Variants in KIF21B observed in about 807,000 individuals in gnomAD.
The protein encoded by KIF21B is kinesin family member 21B.
A neutral mutation model predicts 192.9 loss-of-function variants in KIF21B; 85 were observed. That is an observed-to-expected ratio of 0.44 (90% CI 0.37 to 0.53). The LOEUF is 0.53. KIF21B is among the 20% of genes least tolerant of loss of function. The pLI is 0.00. For missense variants in KIF21B, 1,716 were observed against 2,194.8 expected (o/e 0.78, Z 4.36); for synonymous variants, 832 against 884.6 (o/e 0.94, Z 1.05).
At chr1:200,980,100 T>C (rs1244500544) in intron 29 of KIF21B, among the ~76,000 whole-genome samples, 1 of 152,206 alleles carries the variant, frequency 6.6e-6, no homozygotes, top group African/African-American at 2.4e-5. Context: ...GCAAATGTTA[T>C]GGGAAAACTT....
At chr1:200,991,425 AG>A (rs1008511248) in intron 17 of KIF21B, among the ~76,000 whole-genome samples, 1 of 152,202 alleles carries the variant, frequency 6.6e-6, no homozygotes, top group African/African-American at 2.4e-5. Context: ...CCCTTCTAAT[AG>A]GTTGGACACA....
intron 26 of KIF21B, among the ~76,000 whole-genome samples, chr1:200,985,831 CTTTTT>C (rs760489373): frequency 0.24 from 25,172 of 106,298 alleles, 3,405 homozygotes; most frequent in Non-Finnish European, 0.3. Context: ...CTTCCCTTCC[CTTTTT>C]TTTTTTTTCC....
Position 201,005,253 on chromosome 1 carries a change from T to C in KIF21B, c.732+55A>G. The C allele has an allele frequency of 3.3e-6, 5 of 1,511,084 alleles. No individual in the cohort carries two copies. The South Asian group carries it at 3.9e-5, about 12-fold the overall frequency. The allele number at this position is 1,511,084 out of a possible 1,614,324, so 93.6% of individuals were successfully genotyped here. A position where few individuals can be genotyped will look rare whatever the true frequency, so the allele number is the denominator to read the frequency against. Reference sequence around the variant, plus strand: ...GAATCTGTGGCTCCTCATCTTGCCCTTCCCGGGATACCCCTGCAGCAAGCT... The same window carrying C: ...GAATCTGTGGCTCCTCATCTTGCCCCTCCCGGGATACCCCTGCAGCAAGCT... On this transcript the variant is annotated intron_variant, in intron 5 of 34. Coordinates refer to ENST00000461742, the MANE Select transcript of KIF21B (RefSeq NM_001252102.2).
chr1:200,974,312 A>G, intron 34 of KIF21B: 1 of 1,235,494 alleles, frequency 8.1e-7, no homozygotes, highest in East Asian at 2.5e-5. Context: ...ACCCCATGGG[A>G]CAGAGGGCCT....
chr1:201,008,680 T>C, intron 3 of KIF21B, 89 bp downstream of exon 3: 1 of 1,226,018 alleles, frequency 8.2e-7, no homozygotes, highest in Non-Finnish European at 1.1e-6. Flanking sequence ...TTCCCAGGAC[T>C]CATTCCACTG....
In KIF21B at chr1:200,999,564, G is replaced by A. The variant is rs1168819944; in HGVS notation, c.1768-98C>T. On this transcript the variant is annotated intron_variant, in intron 12 of 34. Coordinates refer to ENST00000461742, the MANE Select transcript of KIF21B (RefSeq NM_001252102.2). The surrounding 1 kb of genome is among the most constrained non-coding windows in gnomAD (Gnocchi z 4.7). ...ACAATGCCTCAGGTGTGTCAGGAGGGTGGGGATTGGGGCAGGCCACAGCTG... is the reference window on the plus strand; with the variant it reads ...ACAATGCCTCAGGTGTGTCAGGAGGATGGGGATTGGGGCAGGCCACAGCTG... 3.2e-6 allele frequency: 5 copies of A among 1,552,412 alleles called. No individual in the cohort carries two copies. Among genetic ancestry groups the A allele is most frequent in the Admixed American group, 1.8e-5 (1 of 55,496 alleles).
intron 15 of KIF21B, among the ~76,000 whole-genome samples, chr1:200,995,616 G>A (rs1010398478): frequency 2.0e-5 from 3 of 152,218 alleles, no homozygotes; most frequent in Non-Finnish European, 2.9e-5. Flanking sequence ...GGGAGCCAGA[G>A]AACTGAGTTC....
Position 200,991,043 on chromosome 1 carries a change from G to A in KIF21B, c.2561C>T (p.Thr854Ile), listed in dbSNP as rs1388013409. The A allele has an allele frequency of 6.2e-7, 1 of 1,614,190 alleles. No individual in the cohort carries two copies. Among genetic ancestry groups the A allele is most frequent in the South Asian group, 1.1e-5 (1 of 91,088 alleles). ...CCCTGATTCAGCCTCAGATGAGGTAGTGCTGGCCGACACCTCAGCCCCAGA... is the reference window on the plus strand; with the variant it reads ...CCCTGATTCAGCCTCAGATGAGGTAATGCTGGCCGACACCTCAGCCCCAGA... ...LDSGAEVSAS[T>I]TSSEAESGAR... Residue 854 changes from threonine (T) to isoleucine (I), a missense_variant, in exon 18 of 35, where the codon ACT becomes ATT. Transcript: ENST00000461742.
chr1:201,017,921 C>T lies in KIF21B; in HGVS notation c.41+5422G>A, dbSNP rs1435388218. Among the ~76,000 whole-genome samples, 1 of 152,192 alleles carries T rather than the reference C, an allele frequency of 6.6e-6. No individual in the cohort carries two copies. The highest frequency in any genetic ancestry group is 1.5e-5 in the Non-Finnish European group (1 of 68,036). On this transcript the variant is annotated intron_variant, in intron 1 of 34. Coordinates refer to ENST00000461742, the MANE Select transcript of KIF21B (RefSeq NM_001252102.2). This position sits in a 1 kb window ranked among gnomAD's most constrained non-coding sequence, Gnocchi z 4.1. ...TCCAGAAACAGGGTACTGCAGCCAA[C>T]ACTGCTGCCGCCTGCCCTGGAGCTT...
intron 15 of KIF21B, among the ~76,000 whole-genome samples, chr1:200,993,591 A>G (rs1656848053): frequency 6.6e-6 from 1 of 152,002 alleles, no homozygotes; most frequent in Admixed American, 6.6e-5. Context: ...CAACAAAAAT[A>G]ATACAAAAAC....
chr1:201,001,914 G>C, intron 9 of KIF21B: 1 of 543,428 alleles, frequency 1.8e-6, no homozygotes, highest in Non-Finnish European at 3.3e-6. Context: ...AGGGTTCAGG[G>C]AGAGGCGATT....
At position 201,000,342 on chromosome 1, in the gene KIF21B, C is replaced by T. The variant is rs1276114586; in HGVS notation, c.1685+48G>A. Reference sequence around the variant, plus strand: ...CCTCCTTGGGGACGGGCAGGGTCCACTGGGGCGGTCTGAGGGCTCTCAGGG... The same window carrying T: ...CCTCCTTGGGGACGGGCAGGGTCCATTGGGGCGGTCTGAGGGCTCTCAGGG... On this transcript the variant is annotated intron_variant, in intron 11 of 34. Transcript: ENST00000461742. This position sits in a 1 kb window ranked among gnomAD's most constrained non-coding sequence, Gnocchi z 6.0. 4.6e-6 allele frequency: 7 copies of T among 1,506,670 alleles called. No homozygotes were observed. In the East Asian group the frequency reaches 1.6e-4, roughly 34 times the overall value. 93.3% of individuals were successfully genotyped at this position (1,506,670 alleles called of 1,614,324 possible).
intron 27 of KIF21B, 37 bp from the exon 28 acceptor site, chr1:200,983,131 AGAG>A (rs1453007179): frequency 6.6e-7 from 1 of 1,525,202 alleles, no homozygotes; most frequent in Non-Finnish European, 8.8e-7. Flanking sequence ...TTAGGGGGTG[AGAG>A]GAGACACACA....
chr1:200,989,207 GA>G (rs1459069413), intron 21 of KIF21B, among the ~76,000 whole-genome samples: 1 of 152,182 alleles, frequency 6.6e-6, no homozygotes, highest in Non-Finnish European at 1.5e-5. Context: ...GGCCCCAGAA[GA>G]AACCAGCCCT....
rs766642944 is a variant in KIF21B, at chr1:200,989,945, G to C, written c.3129C>G (p.Asp1043Glu). The C allele has an allele frequency of 6.2e-7, 1 of 1,613,374 alleles. No homozygotes were observed. Among genetic ancestry groups the C allele is most frequent in the Non-Finnish European group, 8.5e-7 (1 of 1,179,442 alleles). Residue 1043 changes from aspartate to glutamate, a missense_variant, in exon 21 of 35, where the codon GAC (aspartate) becomes GAG (glutamate). Coordinates refer to ENST00000461742, the MANE Select transcript of KIF21B (RefSeq NM_001252102.2). ...LLDNFLKASI[D>E]KGLQVAQKEA... ...CCCATGTACGCTCCCAGCTTACCTT[G>C]TCAATGGATGCCTTGAGGAAGTTGT...
At chr1:201,007,231 GACACAC>G in intron 3 of KIF21B, among the ~76,000 whole-genome samples, 1 of 86,386 alleles carries the variant, frequency 1.2e-5, no homozygotes, top group Non-Finnish European at 2.4e-5. Context: ...GACACACACA[GACACAC>G]ACACACAGAG....
At position 201,003,109 on chromosome 1, in the gene KIF21B, G is replaced by T. The variant is rs147185079; in HGVS notation, c.1212+477C>A. The stretch of plus-strand genomic sequence containing the variant: ...TCATTCTTCAAAATCCATATAAAAG[G>T]CCCCTTTTTCCATGAGGCCCTCTCT... On this transcript the variant is annotated intron_variant, in intron 8 of 34. Coordinates refer to ENST00000461742, the MANE Select transcript of KIF21B (RefSeq NM_001252102.2). The T allele has an allele frequency of 4.4e-3, 755 of 170,632 alleles. 5 individuals carry two copies. Among genetic ancestry groups the T allele is most frequent in the Middle Eastern group, 0.021 (7 of 328 alleles). The allele number at this position is 170,632 out of a possible 1,614,324, so 10.6% of individuals were successfully genotyped here.
chr1:201,015,631 T>G (rs751009428), intron 1 of KIF21B, among the ~76,000 whole-genome samples: 32 of 152,294 alleles, frequency 2.1e-4, no homozygotes, highest in Admixed American at 3.9e-4. Flanking sequence ...GCCAGGCTGC[T>G]GTATCCTCTG....
chr1:200,986,874 C>T lies in KIF21B; in HGVS notation c.3659G>A (p.Arg1220Lys). The T allele has an allele frequency of 6.2e-7, 1 of 1,613,886 alleles. No homozygotes were observed. Among genetic ancestry groups the T allele is most frequent in the Non-Finnish European group, 8.5e-7 (1 of 1,179,852 alleles). Residue 1220 changes from arginine to lysine, a missense_variant, in exon 26 of 35, where the codon AGG becomes AAG. Around this residue, in one of 3 missense-constraint regions of KIF21B, gnomAD observed 580 missense variants for 775.5 expected, o/e 0.75. Coordinates refer to ENST00000461742, the MANE Select transcript of KIF21B (RefSeq NM_001252102.2). ...GGGCTGCCCTCGGTCGTAGGACTTC[C>T]TTCTCGTCAGCGGGGACGTCTCTGT... is the stretch of plus-strand genomic sequence containing the variant. ...RATETSPLTRRKSYDRGQPIR... is the reference protein window; with the variant it reads ...RATETSPLTRKKSYDRGQPIR...
Sources: allele counts gnomAD v4.1 joint callset (sites outside exome capture counted in the v4.1 genomes callset), GRCh38; gene constraint gnomAD v4.1.1; regional missense constraint gnomAD v4.1.1; non-coding constraint Gnocchi (gnomAD v3.1); transcripts MANE v1.5; gene names NCBI Gene and HGNC (gene_info 2026-07-23, HGNC 2026-07-21).